GON4L: variants seen among roughly 807,000 people sequenced by gnomAD.
GON4L encodes the protein gon-4 like.
Under a neutral mutation model 211.8 loss-of-function variants are expected in GON4L, and 87 were observed. The observed-to-expected ratio is 0.41, with a 90% CI of 0.35 to 0.49. The LOEUF (loss-of-function observed/expected upper bound fraction) is 0.49. Ranked by LOEUF, GON4L falls within the 20% of genes least tolerant of loss-of-function variation. The pLI, the probability that GON4L is intolerant of heterozygous loss-of-function variation, is 0.15. For synonymous variants in GON4L, 875 were observed against 962.6 expected (o/e 0.91, Z 1.68); for missense variants, 2,155 against 2,659.5 (o/e 0.81, Z 4.17).
At chr1:155,835,915 A>G (rs1005313671) in intron 2 of GON4L, among the ~76,000 whole-genome samples, 2 of 152,198 alleles carry the variant, frequency 1.3e-5, no homozygotes, top group Middle Eastern at 3.2e-3. Context: ...ATAAGCCAAA[A>G]GGAACTGAGG....
chr1:155,832,279 C>CAAAAAAAAAAAAAAAAAAAAAAGAAA (rs1669855729), intron 2 of GON4L, among the ~76,000 whole-genome samples: 1 of 57,368 alleles, frequency 1.7e-5, no homozygotes, highest in Non-Finnish European at 3.1e-5. Context: ...GACTCCGTCT[C>CAAAAAAAAAAAAAAAAAAAAAAGAAA]AAAAAAAAAA....
chr1:155,755,525 T>C (rs1661089110), intron 27 of GON4L, among the ~76,000 whole-genome samples: 1 of 152,106 alleles, frequency 6.6e-6, no homozygotes, highest in African/African-American at 2.4e-5. Flanking sequence ...TCCTCTTTTA[T>C]GTATCAACTC....
In GON4L at chr1:155,813,507, C is replaced by T. The variant is rs1342440778; in HGVS notation, c.1452+127G>A. 1.1e-5 allele frequency: 8 copies of T among 757,242 alleles called. No individual in the cohort carries two copies. The Middle Eastern group carries it at 1.1e-3, about 104-fold the overall frequency. The allele number at this position is 757,242 out of a possible 1,614,324, so 46.9% of individuals were successfully genotyped here. ...AGCAGAAAATAGCACTAGCCAAATA[C>T]AAAGTATCAAAGACTAACTCTTACT... On this transcript the variant is annotated intron_variant, in intron 10 of 31. Coordinates refer to ENST00000368331, the MANE Select transcript of GON4L (RefSeq NM_001282860.2).
At chr1:155,762,105 C>T in intron 23 of GON4L, 85 bp downstream of exon 23, 1 of 1,126,340 alleles carries the variant, frequency 8.9e-7, no homozygotes, top group Non-Finnish European at 1.3e-6. Flanking sequence ...GCCTGAAAAA[C>T]AGACTTTATG....
intron 10 of GON4L, among the ~76,000 whole-genome samples, chr1:155,811,391 C>CA (rs777417019): frequency 0.66 from 21,976 of 33,110 alleles, 9,551 homozygotes; most frequent in Middle Eastern, 0.75. Flanking sequence ...GACTCCGTCT[C>CA]AAAAAAAAAA....
intron 2 of GON4L, among the ~76,000 whole-genome samples, chr1:155,842,833 T>C (rs1014281331): frequency 1.7e-4 from 25 of 150,420 alleles, no homozygotes; most frequent in Non-Finnish European, 3.7e-4. Flanking sequence ...CAAGACTTCA[T>C]CTCAAAAAAA....
At chr1:155,778,954 G>C (rs1220778016) in intron 14 of GON4L, among the ~76,000 whole-genome samples, 1 of 151,988 alleles carries the variant, frequency 6.6e-6, no homozygotes, top group African/African-American at 2.4e-5. Flanking sequence ...GTAATATCGG[G>C]GATTCCTTGA....
chr1:155,751,626 G>A, intron 31 of GON4L, 141 bp downstream of exon 31: 1 of 641,236 alleles, frequency 1.6e-6, no homozygotes, highest in Non-Finnish European at 2.8e-6. Flanking sequence ...CCACCCTGAT[G>A]AGTCAAGCCT....
intron 14 of GON4L, among the ~76,000 whole-genome samples, chr1:155,780,947 G>T (rs1249727379): frequency 6.6e-6 from 1 of 151,986 alleles, no homozygotes. Flanking sequence ...TTCTTTTATA[G>T]TATTTACTGT....
At chr1:155,761,565 G>A (rs1039110394) in intron 23 of GON4L, among the ~76,000 whole-genome samples, 4 of 149,000 alleles carry the variant, frequency 2.7e-5, no homozygotes, top group Admixed American at 2.0e-4. Flanking sequence ...GTGCGATCTC[G>A]GCTCACTGCA....
intron 5 of GON4L, among the ~76,000 whole-genome samples, chr1:155,821,037 C>A (rs184849462): frequency 6.6e-6 from 1 of 152,014 alleles, no homozygotes; most frequent in African/African-American, 2.4e-5. Context: ...GAGGCCGAGG[C>A]GGGCGGATCA....
At chr1:155,795,265 C>A in intron 11 of GON4L, 114 bp from the exon 12 acceptor site, 2 of 711,334 alleles carry the variant, frequency 2.8e-6, no homozygotes, top group Non-Finnish European at 2.5e-6. Context: ...CTCACTCTGT[C>A]GCCCAGGCTG....
At chr1:155,745,230 T>C (rs535019246), downstream of GON4L, among the ~76,000 whole-genome samples, 5 of 152,266 alleles carry the variant, frequency 3.3e-5, no homozygotes, top group South Asian at 2.1e-4. Context: ...ATAAACCATA[T>C]TGAGCAAAAG....
chr1:155,753,192 C>G lies in GON4L; in HGVS notation c.5842+12G>C. 1 of 1,592,712 alleles carries G rather than the reference C, an allele frequency of 6.3e-7. No individual in the cohort carries two copies. ...CTGAGGAACAGAAGGGCTGCGTTGG[C>G]AAATCACTCACCTGAAACAGGCATC... On this transcript the variant is annotated intron_variant, in intron 29 of 31. Transcript: ENST00000368331.
chr1:155,840,083 G>A (rs1670641345), intron 2 of GON4L, among the ~76,000 whole-genome samples: 1 of 152,076 alleles, frequency 6.6e-6, no homozygotes, highest in East Asian at 1.9e-4. Context: ...AAATATTTTA[G>A]CTTAGAGGTC....
Position 155,775,005 on chromosome 1 carries a change from T to C in GON4L, c.2347A>G (p.Thr783Ala), listed in dbSNP as rs1557848607. 1.2e-6 allele frequency: 2 copies of C among 1,609,864 alleles called. No homozygotes were observed. ...DCSPHKTVKKTANEFPCLPKQ... is the reference protein window; with the variant it reads ...DCSPHKTVKKAANEFPCLPKQ... The stretch of plus-strand genomic sequence containing the variant: ...AGCTGACACATCTGTCTCCTACCAG[T>C]CTTCTTGACAGTTTTATGAGGGCTG... Residue 783 changes from threonine to alanine, a missense_variant, in exon 17 of 32, where the codon ACT becomes GCT. By Grantham distance (58) the Thr-to-Ala change is moderately conservative. Coordinates refer to ENST00000368331, the MANE Select transcript of GON4L (RefSeq NM_001282860.2).
chr1:155,749,184 G>A (rs4079926), downstream of GON4L: 3 of 1,137,808 alleles, frequency 2.6e-6, no homozygotes, highest in African/African-American at 3.1e-5. Flanking sequence ...CCTGGGAGGT[G>A]GAGGTTGCAG....
chr1:155,761,607 T>C (rs1013301699), intron 23 of GON4L, among the ~76,000 whole-genome samples: 2 of 151,764 alleles, frequency 1.3e-5, no homozygotes, highest in Admixed American at 1.3e-4. Flanking sequence ...GTGATTCTTG[T>C]GCCTCAGCCT....
chr1:155,788,864 G>A (rs1285932829), intron 12 of GON4L, among the ~76,000 whole-genome samples: 1 of 152,146 alleles, frequency 6.6e-6, no homozygotes, highest in African/African-American at 2.4e-5. Context: ...TCCAGGGCAG[G>A]TGGATCACAA....
Sources: gnomAD v4.1 joint callset for allele counts (sites outside exome capture counted in the v4.1 genomes callset) on GRCh38, gnomAD v4.1.1 for gene constraint, MANE v1.5 for transcripts, NCBI Gene and HGNC (gene_info 2026-07-23, HGNC 2026-07-21) for gene names.